The following NTN1 variants were observed in gnomAD, a reference collection of about 807,000 sequenced individuals.
NTN1 encodes netrin 1.
Under a neutral mutation model 54.2 loss-of-function variants are expected in NTN1, and 11 were observed. The ratio of observed to expected loss-of-function variants is 0.20; its 90% confidence interval spans 0.13 to 0.34. The LOEUF is 0.34. Among genes scored for constraint, NTN1 ranks in the 10% least tolerant of loss-of-function variants. The pLI, the probability that NTN1 is intolerant of heterozygous loss-of-function variation, is 1.00. For missense variants in NTN1, 740 were observed against 893.1 expected (o/e 0.83, Z 2.18); for synonymous variants, 371 against 382.0 (o/e 0.97, Z 0.33).
the NTN1 span, among the ~76,000 whole-genome samples, chr17:9,005,666 G>A: frequency 6.6e-6 from 1 of 152,198 alleles, no homozygotes; most frequent in Admixed American, 6.5e-5. Flanking sequence ...CGTCACATAT[G>A]ATCTGCAGAA....
At chr17:9,208,353 G>T (rs147189773) in intron 5 of NTN1, among the ~76,000 whole-genome samples, 4 of 152,300 alleles carry the variant, frequency 2.6e-5, no homozygotes, top group African/African-American at 9.6e-5. Context: ...TTGTGGGTTC[G>T]TTGGTCCAGG....
At chr17:9,226,031 C>T (rs1240019627) in intron 6 of NTN1, among the ~76,000 whole-genome samples, 1 of 152,094 alleles carries the variant, frequency 6.6e-6, no homozygotes, top group Non-Finnish European at 1.5e-5. Flanking sequence ...GCGGTGGGGG[C>T]CCATGAGAAG....
At chr17:9,032,394 T>C (rs953561222) in intron 2 of NTN1, among the ~76,000 whole-genome samples, 2 of 152,092 alleles carry the variant, frequency 1.3e-5, no homozygotes, top group African/African-American at 4.8e-5. Context: ...AACAAAAGCT[T>C]ATCACTGTCC....
chr17:9,054,975 C>T (rs945455163), intron 2 of NTN1, among the ~76,000 whole-genome samples: 5 of 152,030 alleles, frequency 3.3e-5, no homozygotes, highest in Non-Finnish European at 5.9e-5. Flanking sequence ...GTTTTATCTG[C>T]GTTATGAAAA....
intron 2 of NTN1, among the ~76,000 whole-genome samples, chr17:9,044,587 T>C (rs1291619640): frequency 6.6e-6 from 1 of 152,118 alleles, no homozygotes; most frequent in Admixed American, 6.6e-5. Context: ...AATAATCTCA[T>C]GTGTATGTAA....
At chr17:9,093,960 C>T (rs1047215237) in intron 2 of NTN1, among the ~76,000 whole-genome samples, 1 of 151,972 alleles carries the variant, frequency 6.6e-6, no homozygotes, top group East Asian at 1.9e-4. Context: ...GGTGACAGAG[C>T]GAGACCCTGT....
chr17:9,006,173 C>T, the NTN1 span, among the ~76,000 whole-genome samples: 1,935 of 21,650 alleles, frequency 0.089, 24 homozygotes, highest in Middle Eastern at 0.16. Context: ...CCATCAGGTA[C>T]GGGGGTGGTG....
chr17:9,134,407 G>T (rs1010225913), intron 2 of NTN1, among the ~76,000 whole-genome samples: 1 of 152,096 alleles, frequency 6.6e-6, no homozygotes, highest in Non-Finnish European at 1.5e-5. Context: ...TGCCCGGCTG[G>T]GGTTGCAGCT....
intron 2 of NTN1, among the ~76,000 whole-genome samples, chr17:9,033,953 A>G (rs1025961216): frequency 2.0e-5 from 3 of 152,184 alleles, no homozygotes; most frequent in African/African-American, 7.2e-5. Context: ...AAAGAAAGAA[A>G]GTACTTAGTT....
intron 6 of NTN1, among the ~76,000 whole-genome samples, chr17:9,228,820 C>CTGTGTGTGTG (rs10641432): frequency 0.057 from 7,981 of 141,204 alleles, 358 homozygotes; most frequent in African/African-American, 0.12. Context: ...ATCTGTTCAG[C>CTGTGTGTGTG]TGTGTGTGTG....
chr17:9,221,152 C>CA lies in NTN1; in HGVS notation c.1412-16_1412-15insA, dbSNP rs752353419. 15 of 1,542,712 alleles carry CA rather than the reference C, an allele frequency of 9.7e-6. No homozygotes were observed. Among genetic ancestry groups the CA allele is most frequent in the Non-Finnish European group, 1.2e-5 (14 of 1,121,826 alleles). On this transcript the variant is annotated splice_polypyrimidine_tract_variant and intron_variant, in intron 5 of 6. Transcript: ENST00000173229. The surrounding 1 kb of genome is among the most constrained non-coding windows in gnomAD (Gnocchi z 4.5). ...TAATTAGTTTTTGTCTGTGCTCCCCCCCCACCCCCCTGCAGACTGCGATTC... is the reference window on the plus strand; with the variant it reads ...TAATTAGTTTTTGTCTGTGCTCCCCCACCCACCCCCCTGCAGACTGCGATTC...
At chr17:9,136,500 C>A (rs776606104) in intron 2 of NTN1, among the ~76,000 whole-genome samples, 5 of 152,056 alleles carry the variant, frequency 3.3e-5, no homozygotes, top group Non-Finnish European at 1.5e-5. Flanking sequence ...TTGCTTGAAC[C>A]CGGGAGGCAG....
chr17:9,150,756 C>G (rs984765150), intron 2 of NTN1, among the ~76,000 whole-genome samples: 2 of 151,280 alleles, frequency 1.3e-5, no homozygotes, highest in African/African-American at 4.9e-5. Context: ...CAAAAAAGGG[C>G]AGGGAAGAGA....
chr17:9,081,664 C>T (rs536837817), intron 2 of NTN1, among the ~76,000 whole-genome samples: 1 of 152,290 alleles, frequency 6.6e-6, no homozygotes, highest in East Asian at 1.9e-4. Flanking sequence ...CTCAGGTGGG[C>T]CTTTCTCAAT....
chr17:9,146,537 C>T (rs2092313706), intron 2 of NTN1, among the ~76,000 whole-genome samples: 1 of 152,164 alleles, frequency 6.6e-6, no homozygotes, highest in Non-Finnish European at 1.5e-5. Flanking sequence ...GCAGCCAATG[C>T]ACTCCTACCT....
At chr17:9,050,503 C>G (rs150311557) in intron 2 of NTN1, among the ~76,000 whole-genome samples, 2 of 151,268 alleles carry the variant, frequency 1.3e-5, no homozygotes, top group Non-Finnish European at 2.9e-5. Flanking sequence ...AACCCCATCT[C>G]TACTAAAAAT....
chr17:9,027,295 G>C (rs540119078), intron 2 of NTN1, among the ~76,000 whole-genome samples: 1 of 152,222 alleles, frequency 6.6e-6, no homozygotes, highest in Non-Finnish European at 1.5e-5. Flanking sequence ...CTTACTCTTT[G>C]CCAAGCGCTC....
At chr17:9,123,639 G>A (rs1253756811) in intron 2 of NTN1, among the ~76,000 whole-genome samples, 1 of 151,978 alleles carries the variant, frequency 6.6e-6, no homozygotes, top group Admixed American at 6.6e-5. Context: ...AGTACATGCT[G>A]TGAAAGTCAA....
At chr17:9,054,272 C>CCCGAAGAG (rs1227902137) in intron 2 of NTN1, among the ~76,000 whole-genome samples, 2 of 152,094 alleles carry the variant, frequency 1.3e-5, no homozygotes, top group South Asian at 2.1e-4. Flanking sequence ...AGAGTGGATC[C>CCCGAAGAG]CCGAAGAGCC....
Sources: gnomAD v4.1 joint callset for allele counts (sites outside exome capture counted in the v4.1 genomes callset) on GRCh38, gnomAD v4.1.1 for gene constraint, Gnocchi (gnomAD v3.1) non-coding constraint, MANE v1.5 for transcripts, NCBI Gene and HGNC (gene_info 2026-07-23, HGNC 2026-07-21) for gene names.